Variants in ATP8B1 observed in about 807,000 individuals in gnomAD.
ATP8B1 encodes the protein phospholipid-transporting ATPase IC.
A neutral mutation model predicts 149.9 loss-of-function variants in ATP8B1; 80 were observed. The ratio of observed to expected loss-of-function variants is 0.53; its 90% CI spans 0.45 to 0.64. ATP8B1 has a LOEUF of 0.64. Ranked by LOEUF, ATP8B1 falls within the 30% of genes least tolerant of loss-of-function variation. The pLI is 0.00. For missense variants in ATP8B1, 1,247 were observed against 1,552.6 expected (o/e 0.80, Z 3.31); for synonymous variants, 536 against 562.8 (o/e 0.95, Z 0.67).
At chr18:57,763,273 T>C (rs1373744532) in intron 1 of ATP8B1, among the ~76,000 whole-genome samples, 1 of 151,858 alleles carries the variant, frequency 6.6e-6, no homozygotes, top group East Asian at 1.9e-4. Flanking sequence ...GTGCCTATAA[T>C]CCCAGCTACT....
intron 26 of ATP8B1, 118 bp downstream of exon 26, chr18:57,651,916 G>T (rs1278352520): frequency 1.5e-6 from 2 of 1,294,660 alleles, no homozygotes; most frequent in Non-Finnish European, 2.2e-6. Context: ...TTACAGGTGT[G>T]AGCCACTGTG....
At chr18:57,785,587 G>A (rs150974667) in intron 1 of ATP8B1, among the ~76,000 whole-genome samples, 8 of 152,260 alleles carry the variant, frequency 5.3e-5, no homozygotes, top group African/African-American at 1.9e-4. Context: ...CTCTCTGCAA[G>A]CTCCACCTCC....
At chr18:57,668,823 G>T in intron 18 of ATP8B1, 1 of 382,478 alleles carries the variant, frequency 2.6e-6, no homozygotes, top group Non-Finnish European at 4.7e-6. Flanking sequence ...CTTTTCTTGT[G>T]TATTTGTGGC....
At chr18:57,676,708 A>G (rs540320605) in intron 15 of ATP8B1, among the ~76,000 whole-genome samples, 1 of 101,208 alleles carries the variant, frequency 9.9e-6, no homozygotes, top group Non-Finnish European at 2.0e-5. Context: ...ACAGACCGAG[A>G]CTCCATTTCA....
Position 57,648,689 on chromosome 18 carries a change from C to G in ATP8B1, c.3555G>C (p.Leu1185Phe). 6.4e-7 allele frequency: 1 copy of G among 1,559,038 alleles called. No homozygotes were observed. The highest frequency in any genetic ancestry group is 1.4e-5 in the African/African-American group (1 of 73,518). ...GTCGCTGCCACTGCTCCTCCGCCTT[C>G]AACCGCTTGCGATGCTTCTGGATCT... ...SDKIQKHRKR[L>F]KAEEQWQRRQ... The change falls in exon 28 of 28, where the codon TTG becomes TTC. Residue 1185 changes from leucine to phenylalanine, a missense_variant. Coordinates refer to ENST00000648908, the MANE Select transcript of ATP8B1 (RefSeq NM_001374385.1).
intron 2 of ATP8B1, among the ~76,000 whole-genome samples, chr18:57,726,117 A>G (rs1182029524): frequency 6.6e-6 from 1 of 152,196 alleles, no homozygotes; most frequent in African/African-American, 2.4e-5. Context: ...AGTCCCAGCT[A>G]CTCGGGAGGC....
intron 2 of ATP8B1, 110 bp from the exon 3 acceptor site, chr18:57,706,697 A>G (rs1286698750): frequency 2.3e-6 from 2 of 878,292 alleles, no homozygotes; most frequent in East Asian, 2.6e-5. Flanking sequence ...TCCATCCCTC[A>G]GAATGTGACC....
At chr18:57,792,789 C>A (rs924115327) in intron 1 of ATP8B1, among the ~76,000 whole-genome samples, 3 of 150,152 alleles carry the variant, frequency 2.0e-5, no homozygotes, top group African/African-American at 7.4e-5. Flanking sequence ...ACAAAAAAAT[C>A]CATGTGTATG....
At chr18:57,726,349 T>C (rs1205731841) in intron 2 of ATP8B1, among the ~76,000 whole-genome samples, 2 of 151,900 alleles carry the variant, frequency 1.3e-5, no homozygotes, top group Non-Finnish European at 2.9e-5. Flanking sequence ...AACGGACAAA[T>C]GAGATCACAA....
chr18:57,674,774 C>A, intron 16 of ATP8B1, 60 bp downstream of exon 16: 6 of 1,577,358 alleles, frequency 3.8e-6, no homozygotes, highest in Non-Finnish European at 5.2e-6. Context: ...CCACTCAATA[C>A]AATGGGCACA....
chr18:57,757,668 T>A (rs906315788), intron 1 of ATP8B1, among the ~76,000 whole-genome samples: 1 of 152,262 alleles, frequency 6.6e-6, no homozygotes, highest in Non-Finnish European at 1.5e-5. Flanking sequence ...TATATGTTCC[T>A]TCTTTCTCAG....
At chr18:57,769,499 G>T (rs539211898) in intron 1 of ATP8B1, among the ~76,000 whole-genome samples, 1 of 152,292 alleles carries the variant, frequency 6.6e-6, no homozygotes, top group South Asian at 2.1e-4. Context: ...TCAGTGCAAG[G>T]CTCCTTGGAG....
At chr18:57,723,593 TAA>T (rs1469063492) in intron 2 of ATP8B1, among the ~76,000 whole-genome samples, 3 of 48,128 alleles carry the variant, frequency 6.2e-5, no homozygotes, top group Non-Finnish European at 1.2e-4. Context: ...CTCAAGGAAA[TAA>T]AAGAGGATAC....
intron 1 of ATP8B1, among the ~76,000 whole-genome samples, chr18:57,738,640 TA>T (rs2079882377): frequency 6.6e-6 from 1 of 150,846 alleles, no homozygotes; most frequent in African/African-American, 2.4e-5. Context: ...ATAAATAAAA[TA>T]AAATAAAATA....
At chr18:57,785,178 A>C (rs555025253) in intron 1 of ATP8B1, among the ~76,000 whole-genome samples, 3 of 152,250 alleles carry the variant, frequency 2.0e-5, no homozygotes, top group Non-Finnish European at 4.4e-5. Flanking sequence ...AAAATACACA[A>C]GATCTTGAAA....
At chr18:57,675,055 C>T in intron 15 of ATP8B1, 33 bp from the exon 16 acceptor site, 7 of 1,609,554 alleles carry the variant, frequency 4.3e-6, no homozygotes, top group Non-Finnish European at 5.9e-6. Context: ...CCCAGAAAAG[C>T]TGTAAAAACA....
rs73445056 is a variant in ATP8B1 at position 57,741,579 on chromosome 18, C to T, written c.-25-9747G>A. On this transcript the variant is annotated intron_variant, in intron 1 of 27. Transcript: ENST00000648908. Reference sequence around the variant, plus strand: ...TGTAGCCTTGTGAGAAATCCTAATACGGAGAACCCAGTTAAGCTGTGCTCA... The same window carrying T: ...TGTAGCCTTGTGAGAAATCCTAATATGGAGAACCCAGTTAAGCTGTGCTCA... 2.6e-3 allele frequency among the ~76,000 whole-genome samples: 394 copies of T among 152,298 alleles called. 1 individual carries two copies. The highest frequency in any genetic ancestry group is 8.7e-3 in the African/African-American group (360 of 41,548).
At position 57,661,254 on chromosome 18, in the gene ATP8B1, A is replaced by G. The variant is rs1255717832; in HGVS notation, c.2627T>C (p.Val876Ala). 5 of 1,613,932 alleles carry G rather than the reference A, an allele frequency of 3.1e-6. No individual in the cohort carries two copies. The highest frequency in any genetic ancestry group is 4.2e-6 in the Non-Finnish European group (5 of 1,179,968). Residue 876 changes from valine (V) to alanine (A), a missense_variant, in exon 22 of 28, where the codon GTG becomes GCG. Physicochemically the swap from Val to Ala is moderately conservative, Grantham distance 64. Coordinates refer to ENST00000648908, the MANE Select transcript of ATP8B1 (RefSeq NM_001374385.1). ...CTTGTACCTCTTCACCAGGTCCACCACCATGGCCTTCTGCTTGGGGGTGAC... is the reference window on the plus strand; with the variant it reads ...CTTGTACCTCTTCACCAGGTCCACCGCCATGGCCTTCTGCTTGGGGGTGAC... Reference protein sequence around the residue: ...CRVTPKQKAMVVDLVKRYKKA... With the variant: ...CRVTPKQKAMAVDLVKRYKKA...
chr18:57,679,187 G>A (rs142656682), intron 15 of ATP8B1, among the ~76,000 whole-genome samples: 2,755 of 151,170 alleles, frequency 0.018, 84 homozygotes, highest in African/African-American at 0.064. Context: ...CCGAGATCGC[G>A]CCACTGCTCT....
Sources: gnomAD v4.1 joint callset for allele counts (sites outside exome capture counted in the v4.1 genomes callset) on GRCh38, gnomAD v4.1.1 for gene constraint, MANE v1.5 for transcripts, NCBI Gene and HGNC (gene_info 2026-07-23, HGNC 2026-07-21) for gene names.